The following VWA5B2 variants were observed in gnomAD, a reference collection of about 807,000 sequenced individuals.
VWA5B2 encodes von Willebrand factor A domain-containing protein 5B2.
VWA5B2 carries 93 observed loss-of-function variants against 118.5 expected under a neutral mutation model. The observed-to-expected ratio is 0.79, with a 90% confidence interval of 0.66 to 0.93. VWA5B2 has a LOEUF of 0.93. Among genes scored for constraint, VWA5B2 ranks in the 40% least tolerant of loss-of-function variants. The pLI, the probability that VWA5B2 is intolerant of heterozygous loss-of-function variation, is 0.00. For missense variants in VWA5B2, 1,546 were observed against 1,672.8 expected, an observed-to-expected ratio of 0.92 and a Z score of 1.32; for synonymous variants, 708 against 716.3, an observed-to-expected ratio of 0.99 and a Z score of 0.19.
At position 184,230,888 on chromosome 3, in the gene VWA5B2, G is replaced by C; in HGVS notation, c.281G>C (p.Gly94Ala). The change falls in exon 3 of 20, where the codon GGG (glycine) becomes GCG (alanine). Residue 94 changes from glycine to alanine, a missense_variant. Around this residue, in one of 3 missense-constraint regions of VWA5B2, gnomAD observed 775 missense variants for 882.3 expected, o/e 0.88. Transcript: ENST00000691901. ...ACCRALGPGL[G>A]TPTPRRCAQG... ...TGCCGCGCTCTGGGCCCGGGGCTGGGGACCCCGACGCCCCGCCGCTGCGCG... is the reference window on the plus strand; with the variant it reads ...TGCCGCGCTCTGGGCCCGGGGCTGGCGACCCCGACGCCCCGCCGCTGCGCG... The C allele has an allele frequency of 8.2e-7, 1 of 1,224,422 alleles. No homozygotes were observed. Among genetic ancestry groups the C allele is most frequent in the Non-Finnish European group, 1.0e-6 (1 of 983,578 alleles). The allele number at this position is 1,224,422 out of a possible 1,614,324, so 75.8% of individuals were successfully genotyped here. A position where few individuals can be genotyped will look rare whatever the true frequency, so the allele number is the denominator to read the frequency against.
chr3:184,234,113 C>G (rs937585760), intron 5 of VWA5B2, among the ~76,000 whole-genome samples, 153 bp from the exon 6 acceptor site: 1 of 152,156 alleles, frequency 6.6e-6, no homozygotes, highest in Admixed American at 6.5e-5. Flanking sequence ...ACTTCCCAGC[C>G]CATGAAAGCA....
intron 5 of VWA5B2, 100 bp from the exon 6 acceptor site, chr3:184,234,164 ACT>A: frequency 7.1e-7 from 1 of 1,416,714 alleles, no homozygotes; most frequent in Non-Finnish European, 9.5e-7. Flanking sequence ...TATAGATCAG[ACT>A]CTGAGAGCTG....
Position 184,236,762 on chromosome 3 carries a change from C to G in VWA5B2, c.1533+13C>G, listed in dbSNP as rs769446446. On this transcript the variant is annotated intron_variant, in intron 11 of 19. Coordinates refer to ENST00000691901, the MANE Select transcript of VWA5B2 (RefSeq NM_001390846.1). ...GCTGCAGCCCATGGTGAGCTTGAGC[C>G]TGGGCCCTGTTCCCTACACCTGGAA... 1 of 1,504,674 alleles carries G rather than the reference C, an allele frequency of 6.6e-7. No homozygotes were observed. The highest frequency in any genetic ancestry group is 8.9e-7 in the Non-Finnish European group (1 of 1,122,286). 93.2% of individuals were successfully genotyped at this position (1,504,674 alleles called of 1,614,324 possible).
At chr3:184,230,958 G>A (rs1717332581) in intron 3 of VWA5B2, 41 bp downstream of exon 3, 1 of 1,208,206 alleles carries the variant, frequency 8.3e-7, no homozygotes, top group South Asian at 4.1e-5. Flanking sequence ...TGAAAGCCGG[G>A]CGCAGCTCAG....
At chr3:184,234,937 ATC>A (rs1717814394) in intron 7 of VWA5B2, 182 bp downstream of exon 7, 1 of 1,136,336 alleles carries the variant, frequency 8.8e-7, no homozygotes, top group East Asian at 2.6e-5. Flanking sequence ...GCCGATGTGA[ATC>A]TCTCTGGGGT....
At chr3:184,232,074 C>G (rs1662135870) in intron 3 of VWA5B2, among the ~76,000 whole-genome samples, 1 of 152,146 alleles carries the variant, frequency 6.6e-6, no homozygotes, top group Non-Finnish European at 1.5e-5. Flanking sequence ...TTTACAATCG[C>G]TAGTATCACC....
Position 184,241,928 on chromosome 3 carries a change from C to G in VWA5B2, c.3619C>G (p.Leu1207Val). The stretch of plus-strand genomic sequence containing the variant: ...GCGGGCCCAGCACTTGCCTGACGGC[C>G]TTGACCTGGCCGCCCTCAAGGCCGC... ...WLRAQHLPDG[L>V]DLAALKAAAR... Residue 1207 changes from leucine to valine, a missense_variant, in exon 20 of 20, where the codon CTT becomes GTT. Around this residue, in one of 3 missense-constraint regions of VWA5B2, gnomAD observed 763 missense variants for 766.6 expected, o/e 1.00. Transcript: ENST00000691901. This position sits in a 1 kb window ranked among gnomAD's most constrained non-coding sequence, Gnocchi z 5.1. 1 of 1,548,100 alleles carries G rather than the reference C, an allele frequency of 6.5e-7. No individual in the cohort carries two copies. Among genetic ancestry groups the G allele is most frequent in the South Asian group, 1.2e-5 (1 of 83,932 alleles).
At position 184,236,707 on chromosome 3, in the gene VWA5B2, C is replaced by T; in HGVS notation, c.1491C>T (p.Gly497=). 1 of 1,549,498 alleles carries T rather than the reference C, an allele frequency of 6.5e-7. No individual in the cohort carries two copies. The highest frequency in any genetic ancestry group is 8.7e-7 in the Non-Finnish European group (1 of 1,145,314). ...AGGGTTTATCTGCCCTCAGCAGAGG[C>T]CAGGCCTACTTCCTGAGGCCTGGGC... ...LLQGLSALSR[G]QAYFLRPGQR... The change falls in exon 11 of 20, where the codon GGC becomes GGT. Residue 497 remains glycine (G), a synonymous_variant. Transcript: ENST00000691901.
intron 11 of VWA5B2, 127 bp downstream of exon 11, chr3:184,236,876 C>T: frequency 1.2e-6 from 1 of 809,360 alleles, no homozygotes; most frequent in South Asian, 1.9e-5. Context: ...CTTCTCCCCA[C>T]TCCAATCAGG....
At position 184,239,399 on chromosome 3, in the gene VWA5B2, G is replaced by A. The variant is rs1014754408; in HGVS notation, c.2208G>A (p.Gly736=). The A allele has an allele frequency of 3.9e-6, 6 of 1,539,544 alleles. No individual in the cohort carries two copies. The highest frequency in any genetic ancestry group is 5.3e-6 in the Non-Finnish European group (6 of 1,139,200). The part of the protein sequence containing the change: ...PAPTPAPFKV[G]ALSTEVLGRQ... Reference sequence around the variant, plus strand: ...CCCCCATATCTCACATGCAGGTGGGGGCCTTGAGTACTGAGGTGCTGGGCC... The same window carrying A: ...CCCCCATATCTCACATGCAGGTGGGAGCCTTGAGTACTGAGGTGCTGGGCC... Residue 736 remains glycine, a synonymous_variant, in exon 15 of 20, where the codon GGG becomes GGA. Transcript: ENST00000691901. The surrounding 1 kb of genome is among the most constrained non-coding windows in gnomAD (Gnocchi z 5.1).
At chr3:184,230,246 G>A (rs1301955707) in intron 1 of VWA5B2, among the ~76,000 whole-genome samples, 134 bp from the exon 2 acceptor site, 1 of 152,178 alleles carries the variant, frequency 6.6e-6, no homozygotes, top group Non-Finnish European at 1.5e-5. Context: ...GAGCCGCGGC[G>A]GGACTGCTGG....
intron 3 of VWA5B2, chr3:184,232,882 T>G (rs1577085948): frequency 2.1e-6 from 1 of 472,064 alleles, no homozygotes; most frequent in Non-Finnish European, 3.7e-6. Context: ...GGGCAGAGGG[T>G]GTGGGTATTC....
rs1717328957 is a variant in VWA5B2 at position 184,230,934 on chromosome 3, C to G, written c.310+17C>G. Reference sequence around the variant, plus strand: ...GCGCGCAGGGTGAGTTCCGCGCGCCCGCACCCGCGCTCCTGAAAGCCGGGC... The same window carrying G: ...GCGCGCAGGGTGAGTTCCGCGCGCCGGCACCCGCGCTCCTGAAAGCCGGGC... On this transcript the variant is annotated intron_variant, in intron 3 of 19. Coordinates refer to ENST00000691901, the MANE Select transcript of VWA5B2 (RefSeq NM_001390846.1). The G allele has an allele frequency of 2.5e-6, 3 of 1,211,120 alleles. No individual in the cohort carries two copies. The highest frequency in any genetic ancestry group is 4.4e-5 in the Admixed American group (1 of 22,876). 75.0% of individuals were successfully genotyped at this position (1,211,120 alleles called of 1,614,324 possible). A position where few individuals can be genotyped will look rare whatever the true frequency, so the allele number is the denominator to read the frequency against.
Position 184,241,987 on chromosome 3 carries a change from G to T in VWA5B2, c.3678G>T (p.Trp1226Cys), listed in dbSNP as rs775372752. The T allele has an allele frequency of 3.4e-5, 52 of 1,550,408 alleles. 2 individuals carry two copies. The South Asian group carries it at 5.6e-4, about 17-fold the overall frequency. ...ARGLFLLLRH[W>C]DQNLQLHLLC... ...GGCTCTTCCTGCTACTGCGCCACTG[G>T]GACCAAAACCTGCAGCTACACCTGC... The change falls in exon 20 of 20, where the codon TGG (tryptophan) becomes TGT (cysteine). Residue 1226 changes from tryptophan (W) to cysteine (C), a missense_variant. Trp to Cys is a radical substitution (Grantham distance 215). This residue lies in a region of VWA5B2 where 763 missense variants were observed against 766.6 expected (regional missense o/e 1.00). Coordinates refer to ENST00000691901, the MANE Select transcript of VWA5B2 (RefSeq NM_001390846.1). This position sits in a 1 kb window ranked among gnomAD's most constrained non-coding sequence, Gnocchi z 5.1.
Position 184,241,871 on chromosome 3 carries a change from G to C in VWA5B2, c.3562G>C (p.Glu1188Gln), listed in dbSNP as rs1317049893. 1 of 1,545,946 alleles carries C rather than the reference G, an allele frequency of 6.5e-7. No homozygotes were observed. Among genetic ancestry groups the C allele is most frequent in the Admixed American group, 2.0e-5 (1 of 50,930 alleles). ...ATGCGCCGCTGCCTTCGACGAGTGG[G>C]AACTGACAGCGGCCAAGGCTGATTG... The part of the protein sequence containing the change: ...HRCAAAFDEW[E>Q]LTAAKADCWL... The change falls in exon 20 of 20, where the codon GAA becomes CAA. Residue 1188 changes from glutamate to glutamine, a missense_variant. Physicochemically the swap from Glu to Gln is conservative, Grantham distance 29. Around this residue, in one of 3 missense-constraint regions of VWA5B2, gnomAD observed 763 missense variants for 766.6 expected, o/e 1.00. Coordinates refer to ENST00000691901, the MANE Select transcript of VWA5B2 (RefSeq NM_001390846.1). The surrounding 1 kb of genome is among the most constrained non-coding windows in gnomAD (Gnocchi z 5.1).
At chr3:184,236,101 T>C (rs540670575) in intron 8 of VWA5B2, 51 bp from the exon 9 acceptor site, 140 of 1,479,632 alleles carry the variant, frequency 9.5e-5, no homozygotes, top group Non-Finnish European at 1.2e-4. Context: ...CCTTGCTCTG[T>C]ATCAGGGCCC....
Position 184,233,345 on chromosome 3 carries a change from G to C in VWA5B2, c.478G>C (p.Ala160Pro). 6.5e-7 allele frequency: 1 copy of C among 1,536,118 alleles called. No homozygotes were observed. The highest frequency in any genetic ancestry group is 2.4e-5 in the East Asian group (1 of 40,826). The change falls in exon 4 of 20, where the codon GCC becomes CCC. Residue 160 changes from alanine (A) to proline (P), a missense_variant. This residue lies in a region of VWA5B2 where 775 missense variants were observed against 882.3 expected (regional missense o/e 0.88). Transcript: ENST00000691901. The surrounding 1 kb of genome is among the most constrained non-coding windows in gnomAD (Gnocchi z 5.2). ...CCTGCCCACTGTGCTCACCCCGCTGGCCCCGCCAGGCCCGCCGGGGCCCCC... is the reference window on the plus strand; with the variant it reads ...CCTGCCCACTGTGCTCACCCCGCTGCCCCCGCCAGGCCCGCCGGGGCCCCC... ...VALPTVLTPL[A>P]PPGPPGPPRP...
chr3:184,237,519 C>G lies in VWA5B2; in HGVS notation c.1719+108C>G. 2.5e-6 allele frequency: 3 copies of G among 1,222,144 alleles called. 1 individual carries two copies. The South Asian group carries it at 4.4e-5, about 18-fold the overall frequency. The allele number at this position is 1,222,144 out of a possible 1,614,324, so 75.7% of individuals were successfully genotyped here. A position where few individuals can be genotyped will look rare whatever the true frequency, so the allele number is the denominator to read the frequency against. On this transcript the variant is annotated intron_variant, in intron 12 of 19. Transcript: ENST00000691901. This position sits in a 1 kb window ranked among gnomAD's most constrained non-coding sequence, Gnocchi z 5.6. ...AACCCTTTTTCCATTCTCTGTGCCT[C>G]TCTCTACCAAGCTTCTCTACTATCC...
Position 184,239,592 on chromosome 3 carries a change from T to C in VWA5B2, c.2392+9T>C. ...AGGCCTGGATGACTCAGGTAAGTGTTGGATGGGGAGCTGGTTTCCCTGACA... is the reference window on the plus strand; with the variant it reads ...AGGCCTGGATGACTCAGGTAAGTGTCGGATGGGGAGCTGGTTTCCCTGACA... On this transcript the variant is annotated intron_variant, in intron 15 of 19. Coordinates refer to ENST00000691901, the MANE Select transcript of VWA5B2 (RefSeq NM_001390846.1). This position sits in a 1 kb window ranked among gnomAD's most constrained non-coding sequence, Gnocchi z 5.1. 1 of 1,503,704 alleles carries C rather than the reference T, an allele frequency of 6.7e-7. No individual in the cohort carries two copies. Among genetic ancestry groups the C allele is most frequent in the East Asian group, 2.5e-5 (1 of 39,942 alleles). 93.1% of individuals were successfully genotyped at this position (1,503,704 alleles called of 1,614,324 possible).
Sources: allele counts gnomAD v4.1 joint callset (sites outside exome capture counted in the v4.1 genomes callset), GRCh38; gene constraint gnomAD v4.1.1; regional missense constraint gnomAD v4.1.1; non-coding constraint Gnocchi (gnomAD v3.1); transcripts MANE v1.5; gene names NCBI Gene and HGNC (gene_info 2026-07-23, HGNC 2026-07-21).